The following LPAR1 variants were observed in gnomAD, a reference collection of about 807,000 sequenced individuals.
LPAR1 encodes lysophosphatidic acid receptor 1, also known as LPA receptor 1.
A neutral mutation model predicts 23.8 loss-of-function variants in LPAR1; 5 were observed. That is an observed-to-expected ratio of 0.21 (90% CI 0.11 to 0.44). The LOEUF (loss-of-function observed/expected upper bound fraction) is 0.44. LPAR1 is among the 20% of genes least tolerant of loss of function. The pLI is 0.99. For synonymous variants in LPAR1, 160 were observed against 164.7 expected (o/e 0.97, Z 0.22); for missense variants, 311 against 482.8 (o/e 0.64, Z 3.33).
At chr9:111,009,437 A>G (rs1055360387) in intron 2 of LPAR1, among the ~76,000 whole-genome samples, 4 of 152,186 alleles carry the variant, frequency 2.6e-5, no homozygotes, top group Non-Finnish European at 5.9e-5. Flanking sequence ...AATGTTTGAT[A>G]CATTCCTAAA....
chr9:110,906,302 T>C (rs1279814868), intron 5 of LPAR1, among the ~76,000 whole-genome samples: 2 of 152,200 alleles, frequency 1.3e-5, no homozygotes, highest in South Asian at 2.1e-4. Flanking sequence ...TGGTGTAATG[T>C]GTTTCATTAA....
chr9:110,934,883 A>T (rs1340288071), intron 5 of LPAR1, among the ~76,000 whole-genome samples: 1 of 152,084 alleles, frequency 6.6e-6, no homozygotes, highest in Non-Finnish European at 1.5e-5. Flanking sequence ...GAGAGCACAA[A>T]CTTAATATAA....
chr9:110,999,042 G>A (rs1182453417), intron 2 of LPAR1, among the ~76,000 whole-genome samples: 8 of 152,076 alleles, frequency 5.3e-5, no homozygotes, highest in East Asian at 1.9e-4. Context: ...TAAAATCTTC[G>A]TGATCAGTCA....
At chr9:111,005,151 CAAAAA>C (rs71371700) in intron 2 of LPAR1, among the ~76,000 whole-genome samples, 1 of 74,292 alleles carries the variant, frequency 1.3e-5, no homozygotes, top group Non-Finnish European at 2.5e-5. Flanking sequence ...GACAAAGTCT[CAAAAA>C]AAAAAAAAAA....
At position 110,989,409 on chromosome 9, in the gene LPAR1, C is replaced by A. The variant is rs866938769; in HGVS notation, c.-181-15851G>T. On this transcript the variant is annotated intron_variant, in intron 2 of 5. Coordinates refer to ENST00000683809, the MANE Select transcript of LPAR1 (RefSeq NM_001351411.2). ...CTGGCTTTTATGGTATTAAATTATA[C>A]CTCAATAAAGTTGTTCTAAAAAGAT... Among the ~76,000 whole-genome samples the A allele has an allele frequency of 5.9e-5, 9 of 152,140 alleles. No homozygotes were observed. In the South Asian group the frequency reaches 1.9e-3, roughly 32 times the overall value.
At chr9:110,960,141 A>G (rs2095908424) in intron 4 of LPAR1, among the ~76,000 whole-genome samples, 2 of 152,182 alleles carry the variant, frequency 1.3e-5, no homozygotes, top group South Asian at 4.1e-4. Context: ...CCAAACAGCA[A>G]GAAGAGAGAA....
intron 2 of LPAR1, among the ~76,000 whole-genome samples, chr9:110,995,095 A>C (rs900485326): frequency 6.6e-6 from 1 of 152,194 alleles, no homozygotes; most frequent in Admixed American, 6.5e-5. Flanking sequence ...TCCAGGATAC[A>C]TGTCACATGA....
At chr9:110,990,766 A>G (rs1041504232) in intron 2 of LPAR1, among the ~76,000 whole-genome samples, 4 of 152,146 alleles carry the variant, frequency 2.6e-5, no homozygotes, top group Non-Finnish European at 5.9e-5. Context: ...TAGAAACTAT[A>G]AAACAAATCC....
intron 5 of LPAR1, among the ~76,000 whole-genome samples, chr9:110,919,414 G>GT (rs2093453496): frequency 6.6e-6 from 1 of 152,128 alleles, no homozygotes; most frequent in African/African-American, 2.4e-5. Context: ...ACTTCAGCTT[G>GT]TGAGACCCCA....
At chr9:111,033,360 C>T (rs2097837610) in intron 2 of LPAR1, among the ~76,000 whole-genome samples, 1 of 152,200 alleles carries the variant, frequency 6.6e-6, no homozygotes, top group Non-Finnish European at 1.5e-5. Context: ...CCCTCCTCCT[C>T]TCCTACCAAA....
intron 2 of LPAR1, among the ~76,000 whole-genome samples, chr9:110,981,343 A>G (rs2096662136): frequency 6.6e-6 from 1 of 152,074 alleles, no homozygotes; most frequent in Admixed American, 6.6e-5. Flanking sequence ...TGGGCAGGTT[A>G]TGTCATGTCT....
chr9:110,906,147 G>A (rs1307841866), intron 5 of LPAR1, among the ~76,000 whole-genome samples: 1 of 151,870 alleles, frequency 6.6e-6, no homozygotes, highest in Non-Finnish European at 1.5e-5. Flanking sequence ...GGACAAGATA[G>A]ATGTTACCTC....
At chr9:110,955,529 A>G (rs1487498718) in intron 4 of LPAR1, among the ~76,000 whole-genome samples, 1 of 152,200 alleles carries the variant, frequency 6.6e-6, no homozygotes, top group Non-Finnish European at 1.5e-5. Flanking sequence ...TAACAAATAA[A>G]CATTGGATTT....
chr9:110,962,802 T>C (rs911334851), intron 4 of LPAR1, among the ~76,000 whole-genome samples: 1 of 152,108 alleles, frequency 6.6e-6, no homozygotes, highest in Non-Finnish European at 1.5e-5. Context: ...AATTACCAAA[T>C]GGCAGTATTA....
intron 5 of LPAR1, among the ~76,000 whole-genome samples, chr9:110,886,200 A>G (rs1387720490): frequency 7.5e-5 from 1 of 13,308 alleles, no homozygotes; most frequent in Non-Finnish European, 2.0e-4. Context: ...ATCCATCTCA[A>G]AAAAAAAAAA....
At chr9:110,984,734 C>T (rs2096744180) in intron 2 of LPAR1, among the ~76,000 whole-genome samples, 1 of 150,894 alleles carries the variant, frequency 6.6e-6, no homozygotes, top group Non-Finnish European at 1.5e-5. Flanking sequence ...GCTTGTCAAT[C>T]CAGATAAGCA....
intron 4 of LPAR1, among the ~76,000 whole-genome samples, chr9:110,970,103 C>T (rs2096367751): frequency 6.6e-6 from 1 of 152,064 alleles, no homozygotes; most frequent in Non-Finnish European, 1.5e-5. Context: ...TTAAATGAGT[C>T]ATTTAGAGGT....
chr9:110,876,459 T>C (rs491855), intron 5 of LPAR1, among the ~76,000 whole-genome samples: 61,298 of 151,980 alleles, frequency 0.4, 12,617 homozygotes, highest in East Asian at 0.55. Context: ...CCAGTAATAA[T>C]TTATTGAATT....
chr9:110,993,910 T>C (rs1019308876), intron 2 of LPAR1, among the ~76,000 whole-genome samples: 1 of 152,146 alleles, frequency 6.6e-6, no homozygotes, highest in African/African-American at 2.4e-5. Flanking sequence ...TCTAATTATT[T>C]CTAAGTTTGA....
Sources: allele counts gnomAD v4.1 joint callset (sites outside exome capture counted in the v4.1 genomes callset), GRCh38; gene constraint gnomAD v4.1.1; transcripts MANE v1.5; gene names NCBI Gene and HGNC (gene_info 2026-07-23, HGNC 2026-07-21).